The following ABCG4 variants were observed in gnomAD, a reference collection of about 807,000 sequenced individuals.
ABCG4 encodes the protein ATP-binding cassette sub-family G member 4.
A neutral mutation model predicts 64.6 loss-of-function variants in ABCG4; 35 were observed. The ratio of observed to expected loss-of-function variants is 0.54; its 90% confidence interval spans 0.41 to 0.72. The LOEUF (loss-of-function observed/expected upper bound fraction) is 0.72, where lower values mean the gene tolerates loss of function less well. Among genes scored for constraint, ABCG4 ranks in the 30% least tolerant of loss-of-function variants. The pLI is 0.00. For synonymous variants in ABCG4, 326 were observed against 348.2 expected (o/e 0.94, Z 0.71); for missense variants, 610 against 846.3 (o/e 0.72, Z 3.46).
In ABCG4 at chr11:119,160,486, G is replaced by A. The variant is rs551048788; in HGVS notation, c.1597-52G>A. 6.1e-5 allele frequency: 98 copies of A among 1,608,380 alleles called. No homozygotes were observed. The highest frequency in any genetic ancestry group is 8.1e-5 in the Non-Finnish European group (96 of 1,178,958). ...TTAGGGTGGAGCTCTAGGAAACCTG[G>A]GTTTGTCCTGGTCACCCCTATGATG... On this transcript the variant is annotated intron_variant, in intron 13 of 14. Transcript: ENST00000619701. This position sits in a 1 kb window ranked among gnomAD's most constrained non-coding sequence, Gnocchi z 4.6.
intron 2 of ABCG4, among the ~76,000 whole-genome samples, chr11:119,151,355 T>C (rs1307465947): frequency 6.6e-6 from 1 of 152,232 alleles, no homozygotes; most frequent in Non-Finnish European, 1.5e-5. Context: ...CTTTTGACCT[T>C]GCCAGCCTCA....
Position 119,150,252 on chromosome 11 carries a change from C to CT in ABCG4, c.238+50dup. The CT allele has an allele frequency of 6.3e-7, 1 of 1,589,270 alleles. No individual in the cohort carries two copies. ...AGTCCGTGGGCCCTCTCTGAGTTGC[C>CT]TCTCCAGAAGCATGAGGCCTGGGTG... is the stretch of plus-strand genomic sequence containing the variant. On this transcript the variant is annotated intron_variant, in intron 2 of 14. Coordinates refer to ENST00000619701, the MANE Select transcript of ABCG4 (RefSeq NM_022169.5). The surrounding 1 kb of genome is among the most constrained non-coding windows in gnomAD (Gnocchi z 4.3).
chr11:119,149,880 A>C lies in ABCG4; in HGVS notation c.-12-74A>C. Reference sequence around the variant, plus strand: ...GGAGGTGGGCAGTGGGGGCGGGGGAAGCATTAGAACGCCAGGGAGCTTTGA... The same window carrying C: ...GGAGGTGGGCAGTGGGGGCGGGGGACGCATTAGAACGCCAGGGAGCTTTGA... On this transcript the variant is annotated intron_variant, in intron 1 of 14. Transcript: ENST00000619701. This position sits in a 1 kb window ranked among gnomAD's most constrained non-coding sequence, Gnocchi z 8.3. 1 of 1,508,604 alleles carries C rather than the reference A, an allele frequency of 6.6e-7. No individual in the cohort carries two copies. 93.5% of individuals were successfully genotyped at this position (1,508,604 alleles called of 1,614,324 possible).
rs995624082 is a variant in ABCG4, at chr11:119,149,887, G to A, written c.-12-67G>A. ...GGCAGTGGGGGCGGGGGAAGCATTA[G>A]AACGCCAGGGAGCTTTGAGCCGGGC... is the stretch of plus-strand genomic sequence containing the variant. On this transcript the variant is annotated intron_variant, in intron 1 of 14. Transcript: ENST00000619701. The surrounding 1 kb of genome is among the most constrained non-coding windows in gnomAD (Gnocchi z 8.3). 2.5e-4 allele frequency: 379 copies of A among 1,527,170 alleles called. No homozygotes were observed. The highest frequency in any genetic ancestry group is 3.2e-4 in the Non-Finnish European group (369 of 1,142,662). 94.6% of individuals were successfully genotyped at this position (1,527,170 alleles called of 1,614,324 possible). A position where few individuals can be genotyped will look rare whatever the true frequency, so the allele number is the denominator to read the frequency against.
chr11:119,149,122 A>C lies in ABCG4; in HGVS notation c.-254A>C, dbSNP rs1948154664. 6.6e-6 allele frequency: 1 copy of C among 152,058 alleles called. No individual in the cohort carries two copies. 9.4% of individuals were successfully genotyped at this position (152,058 alleles called of 1,614,324 possible). A position where few individuals can be genotyped will look rare whatever the true frequency, so the allele number is the denominator to read the frequency against. On this transcript the variant is annotated 5_prime_UTR_variant, in exon 1 of 15. Transcript: ENST00000619701. This position sits in a 1 kb window ranked among gnomAD's most constrained non-coding sequence, Gnocchi z 8.3. ...TCTGGGAAGCGGGTGTGCACAGCCC[A>C]GCAGAGTCAGGGCGCGACCCCAACC...
rs1427772141 is a variant in ABCG4, at chr11:119,160,222, C to T, written c.1438-5C>T. The T allele has an allele frequency of 1.9e-6, 3 of 1,606,042 alleles. No homozygotes were observed. Among genetic ancestry groups the T allele is most frequent in the African/African-American group, 1.3e-5 (1 of 74,728 alleles). ...TCCACTGTCCAGCCCGTGCCCACTC[C>T]CCAGGTGGTGTGTCCGGTGGTCTAC... On this transcript the variant is annotated splice_polypyrimidine_tract_variant and splice_region_variant and intron_variant, in intron 12 of 14. Coordinates refer to ENST00000619701, the MANE Select transcript of ABCG4 (RefSeq NM_022169.5). This position sits in a 1 kb window ranked among gnomAD's most constrained non-coding sequence, Gnocchi z 4.6.
rs200030171 is a variant in ABCG4 at position 119,156,299 on chromosome 11, G to A, written c.687-30G>A. The A allele has an allele frequency of 6.6e-5, 106 of 1,613,766 alleles. No individual in the cohort carries two copies. Among genetic ancestry groups the A allele is most frequent in the Non-Finnish European group, 8.3e-5 (98 of 1,179,862 alleles). On this transcript the variant is annotated intron_variant, in intron 6 of 14. Transcript: ENST00000619701. The surrounding 1 kb of genome is among the most constrained non-coding windows in gnomAD (Gnocchi z 5.5). ...CTTCTTTTGGCCTCACCCACCTCAC[G>A]TGGCCCCCTGGTGGCCTCTCTCTGG...
At position 119,150,223 on chromosome 11, in the gene ABCG4, G is replaced by T; in HGVS notation, c.238+20G>T. ...AAAGGGGTAGGGAACAGCCTGGTAG[G>T]GGGAGTCCGTGGGCCCTCTCTGAGT... On this transcript the variant is annotated intron_variant, in intron 2 of 14. Transcript: ENST00000619701. The surrounding 1 kb of genome is among the most constrained non-coding windows in gnomAD (Gnocchi z 4.3). 2 of 1,605,490 alleles carry T rather than the reference G, an allele frequency of 1.2e-6. No individual in the cohort carries two copies. Among genetic ancestry groups the T allele is most frequent in the Non-Finnish European group, 1.7e-6 (2 of 1,173,756 alleles).
rs1948296200 is a variant in ABCG4, at chr11:119,158,364, G to A, written c.1167+32G>A. On this transcript the variant is annotated intron_variant, in intron 10 of 14. Transcript: ENST00000619701. The surrounding 1 kb of genome is among the most constrained non-coding windows in gnomAD (Gnocchi z 4.5). ...CGTCAGGCTGGGGGAGAGGAGGCTG[G>A]CACAGGCCTGACCTTTTGGGCTGTA... 6.2e-7 allele frequency: 1 copy of A among 1,607,210 alleles called. No individual in the cohort carries two copies. Among genetic ancestry groups the A allele is most frequent in the African/African-American group, 1.3e-5 (1 of 74,772 alleles).
At chr11:119,153,105 C>T (rs1948213415) in intron 2 of ABCG4, 1 of 152,366 alleles carries the variant, frequency 6.6e-6, no homozygotes, top group Admixed American at 6.5e-5. Context: ...TTAATGCATT[C>T]TATGTGCCAA....
rs1948331366 is a variant in ABCG4 at position 119,160,349 on chromosome 11, G to A, written c.1560G>A (p.Leu520=). Reference sequence around the variant, plus strand: ...CCACCGCCTTGGTGGCCCAATCTTTGGGGCTGCTGATCGGAGCTGCTTCCA... The same window carrying A: ...CCACCGCCTTGGTGGCCCAATCTTTAGGGCTGCTGATCGGAGCTGCTTCCA... ...ATATALVAQS[L]GLLIGAASNS... Residue 520 remains leucine, a synonymous_variant, in exon 13 of 15, where the codon TTG becomes TTA. Transcript: ENST00000619701. The surrounding 1 kb of genome is among the most constrained non-coding windows in gnomAD (Gnocchi z 4.6). The A allele has an allele frequency of 2.5e-6, 4 of 1,613,076 alleles. No individual in the cohort carries two copies. The highest frequency in any genetic ancestry group is 3.4e-6 in the Non-Finnish European group (4 of 1,179,222).
At position 119,149,240 on chromosome 11, in the gene ABCG4, G is replaced by C. The variant is rs929588971; in HGVS notation, c.-136G>C. ...CGGCCCCGCCCCGGCCCGGGCCGCC[G>C]GGACCGGGAGCCGGGACGCGGGTGC... On this transcript the variant is annotated 5_prime_UTR_variant, in exon 1 of 15. Coordinates refer to ENST00000619701, the MANE Select transcript of ABCG4 (RefSeq NM_022169.5). This position sits in a 1 kb window ranked among gnomAD's most constrained non-coding sequence, Gnocchi z 8.3. 6.6e-6 allele frequency: 1 copy of C among 151,438 alleles called. No homozygotes were observed. Among genetic ancestry groups the C allele is most frequent in the African/African-American group, 2.4e-5 (1 of 41,256 alleles). The allele number at this position is 151,438 out of a possible 1,614,324, so 9.4% of individuals were successfully genotyped here.
chr11:119,154,897 T>A lies in ABCG4; in HGVS notation c.668T>A (p.Phe223Tyr). The A allele has an allele frequency of 6.2e-7, 1 of 1,612,396 alleles. No individual in the cohort carries two copies. The highest frequency in any genetic ancestry group is 8.5e-7 in the Non-Finnish European group (1 of 1,178,620). Reference sequence around the variant, plus strand: ...CTGGTCAACAACCCGCCTGTCATGTTCTTTGATGAGCCCACCAGGTAGTTC... The same window carrying A: ...CTGGTCAACAACCCGCCTGTCATGTACTTTGATGAGCCCACCAGGTAGTTC... ...LELVNNPPVMFFDEPTSGLDS... is the reference protein window; with the variant it reads ...LELVNNPPVMYFDEPTSGLDS... The change falls in exon 6 of 15, where the codon TTC becomes TAC. Residue 223 changes from phenylalanine (F) to tyrosine (Y), a missense_variant. Coordinates refer to ENST00000619701, the MANE Select transcript of ABCG4 (RefSeq NM_022169.5). The surrounding 1 kb of genome is among the most constrained non-coding windows in gnomAD (Gnocchi z 7.0).
intron 12 of ABCG4, among the ~76,000 whole-genome samples, chr11:119,159,903 T>C (rs112380514): frequency 0.033 from 4,995 of 151,966 alleles, 274 homozygotes; most frequent in African/African-American, 0.11. Context: ...GGCTCTCCTA[T>C]GGAGAGTTAA....
At chr11:119,151,631 A>G (rs1284836351) in intron 2 of ABCG4, among the ~76,000 whole-genome samples, 1 of 152,200 alleles carries the variant, frequency 6.6e-6, no homozygotes, top group Non-Finnish European at 1.5e-5. Flanking sequence ...CCTTTTAATT[A>G]TTTTTAATAA....
chr11:119,149,769 G>A lies in ABCG4; in HGVS notation c.-12-185G>A. 1 of 955,788 alleles carries A rather than the reference G, an allele frequency of 1.0e-6. No homozygotes were observed. The highest frequency in any genetic ancestry group is 1.5e-6 in the Non-Finnish European group (1 of 663,398). The allele number at this position is 955,788 out of a possible 1,614,324, so 59.2% of individuals were successfully genotyped here. A position where few individuals can be genotyped will look rare whatever the true frequency, so the allele number is the denominator to read the frequency against. On this transcript the variant is annotated intron_variant, in intron 1 of 14. Transcript: ENST00000619701. This position sits in a 1 kb window ranked among gnomAD's most constrained non-coding sequence, Gnocchi z 8.3. ...ACGGGCTGGGGTCAGGCTGGAGCTG[G>A]GCTGCCCGGGACTGAGCGTCTCCGT...
rs1414074331 is a variant in ABCG4 at position 119,149,750 on chromosome 11, T to G, written c.-12-204T>G. On this transcript the variant is annotated intron_variant, in intron 1 of 14. Coordinates refer to ENST00000619701, the MANE Select transcript of ABCG4 (RefSeq NM_022169.5). This position sits in a 1 kb window ranked among gnomAD's most constrained non-coding sequence, Gnocchi z 8.3. ...GATTGAGGGCTTCAAGGGGACGGGC[T>G]GGGGTCAGGCTGGAGCTGGGCTGCC... The G allele has an allele frequency of 5.3e-6, 4 of 750,004 alleles. No homozygotes were observed. The highest frequency in any genetic ancestry group is 8.3e-6 in the Non-Finnish European group (4 of 481,214). The allele number at this position is 750,004 out of a possible 1,614,324, so 46.5% of individuals were successfully genotyped here. A position where few individuals can be genotyped will look rare whatever the true frequency, so the allele number is the denominator to read the frequency against.
intron 9 of ABCG4, 128 bp downstream of exon 9, chr11:119,157,142 G>T: frequency 1.5e-6 from 2 of 1,314,638 alleles, no homozygotes; most frequent in Non-Finnish European, 2.0e-6. Flanking sequence ...AAGAACCTAG[G>T]ACTTGGAATC....
intron 2 of ABCG4, among the ~76,000 whole-genome samples, chr11:119,152,455 C>T (rs2135118442): frequency 6.6e-6 from 1 of 152,094 alleles, no homozygotes; most frequent in African/African-American, 2.4e-5. Context: ...TATGCCATCC[C>T]TTCACTGTCT....
Sources: allele counts gnomAD v4.1 joint callset (sites outside exome capture counted in the v4.1 genomes callset), GRCh38; gene constraint gnomAD v4.1.1; non-coding constraint Gnocchi (gnomAD v3.1); transcripts MANE v1.5; gene names NCBI Gene and HGNC (gene_info 2026-07-23, HGNC 2026-07-21).